ZCCHC2: variants seen among roughly 807,000 people sequenced by gnomAD.
The protein encoded by ZCCHC2 is zinc finger CCHC domain-containing protein 2.
A neutral mutation model predicts 103.6 loss-of-function variants in ZCCHC2; 39 were observed. The ratio of observed to expected loss-of-function variants is 0.38; its 90% CI spans 0.29 to 0.49. The LOEUF is 0.49. ZCCHC2 is among the 20% of genes least tolerant of loss of function. The pLI is 0.96. For missense variants in ZCCHC2, 1,483 were observed against 1,491.0 expected (o/e 0.99, Z 0.09); for synonymous variants, 687 against 608.9 (o/e 1.13, Z -1.89).
chr18:62,574,990 C>T lies in ZCCHC2; in HGVS notation c.2909C>T (p.Pro970Leu), dbSNP rs1046496869. 1.5e-5 allele frequency: 24 copies of T among 1,613,838 alleles called. No homozygotes were observed. Among genetic ancestry groups the T allele is most frequent in the Non-Finnish European group, 2.0e-5 (24 of 1,179,882 alleles). Residue 970 changes from proline to leucine, a missense_variant, in exon 13 of 14, where the codon CCG (proline) becomes CTG (leucine). By Grantham distance (98) the Pro-to-Leu change is moderately conservative. Transcript: ENST00000269499. The stretch of plus-strand genomic sequence containing the variant: ...CCTACCCACACCCCAGGCCCTGCCC[C>T]GAGCCCAAGCCCTGCCTTGACACAC... Reference protein sequence around the residue: ...AVPTHTPGPAPSPSPALTHST... With the variant: ...AVPTHTPGPALSPSPALTHST...
chr18:62,565,239 A>G, intron 11 of ZCCHC2, 143 bp downstream of exon 11: 1 of 593,670 alleles, frequency 1.7e-6, no homozygotes, highest in Non-Finnish European at 2.9e-6. Flanking sequence ...CAATTTCCAA[A>G]TTAAACAGTT....
At chr18:62,550,564 C>T (rs569936197) in intron 5 of ZCCHC2, 104 bp downstream of exon 5, 51 of 781,982 alleles carry the variant, frequency 6.5e-5, no homozygotes, top group Non-Finnish European at 8.1e-5. Flanking sequence ...CTTTCTCTGG[C>T]GTACTTCTTA....
Position 62,560,625 on chromosome 18 carries a change from G to T in ZCCHC2, c.1531G>T (p.Gly511Trp), listed in dbSNP as rs781330099. ...QHAIIHKKHT[G>W]KSPIVNNIGT... The stretch of plus-strand genomic sequence containing the variant: ...TGCCATAATCCACAAGAAGCATACT[G>T]GGAAAAGTCCCATTGTGAAGTAAGT... The change falls in exon 8 of 14, where the codon GGG becomes TGG. Residue 511 changes from glycine (G) to tryptophan (W), a missense_variant. By Grantham distance (184) the Gly-to-Trp change is radical (BLOSUM62 -2). Transcript: ENST00000269499. 5 of 1,613,232 alleles carry T rather than the reference G, an allele frequency of 3.1e-6. No homozygotes were observed. The South Asian group carries it at 5.5e-5, about 18-fold the overall frequency.
chr18:62,553,347 A>G (rs1915749122), intron 5 of ZCCHC2, among the ~76,000 whole-genome samples: 1 of 152,204 alleles, frequency 6.6e-6, no homozygotes, highest in East Asian at 1.9e-4. Flanking sequence ...ATACCTTTTT[A>G]GCTGAACCAT....
At chr18:62,534,616 G>A (rs1479879450) in intron 1 of ZCCHC2, among the ~76,000 whole-genome samples, 1 of 152,192 alleles carries the variant, frequency 6.6e-6, no homozygotes, top group Non-Finnish European at 1.5e-5. Flanking sequence ...AAATGTTGGG[G>A]AATTTTTATG....
chr18:62,545,449 C>T (rs551161437), intron 4 of ZCCHC2, among the ~76,000 whole-genome samples: 3 of 151,962 alleles, frequency 2.0e-5, no homozygotes, highest in South Asian at 4.2e-4. Context: ...CACCTCACCC[C>T]CCATATGATA....
In ZCCHC2 at chr18:62,524,089, G is replaced by T; in HGVS notation, c.665G>T (p.Gly222Val). Reference protein sequence around the residue: ...GSRGGAEDERGEDGDGEQDAE... With the variant: ...GSRGGAEDERVEDGDGEQDAE... ...CGGGGCGGCGCGGAGGACGAGCGCG[G>T]CGAGGACGGCGACGGCGAGCAGGAC... Residue 222 changes from glycine to valine, a missense_variant, in exon 1 of 14, where the codon GGC (glycine) becomes GTC (valine). By Grantham distance (109) the Gly-to-Val change is moderately radical. Around this residue, in one of 3 missense-constraint regions of ZCCHC2, gnomAD observed 568 missense variants for 525.1 expected, o/e 1.08. Coordinates refer to ENST00000269499, the MANE Select transcript of ZCCHC2 (RefSeq NM_017742.6). 1 of 1,515,476 alleles carries T rather than the reference G, an allele frequency of 6.6e-7. No homozygotes were observed. The highest frequency in any genetic ancestry group is 1.2e-5 in the South Asian group (1 of 81,520). 93.9% of individuals were successfully genotyped at this position (1,515,476 alleles called of 1,614,324 possible). A position where few individuals can be genotyped will look rare whatever the true frequency, so the allele number is the denominator to read the frequency against.
chr18:62,536,514 TTA>T (rs1256355088), intron 1 of ZCCHC2, among the ~76,000 whole-genome samples: 4 of 152,280 alleles, frequency 2.6e-5, no homozygotes, highest in African/African-American at 9.6e-5. Context: ...CCATTCCTCT[TTA>T]TATGATTCCA....
chr18:62,539,048 G>A (rs111797218), intron 1 of ZCCHC2, among the ~76,000 whole-genome samples: 3 of 152,090 alleles, frequency 2.0e-5, no homozygotes, highest in Admixed American at 6.5e-5. Context: ...GATTTCTGGC[G>A]AGCTGTTTGT....
intron 1 of ZCCHC2, among the ~76,000 whole-genome samples, chr18:62,527,794 G>A (rs1002432815): frequency 2.3e-4 from 35 of 152,052 alleles, no homozygotes; most frequent in African/African-American, 8.0e-4. Context: ...TTTTAAAATG[G>A]GTGTCTTCCT....
chr18:62,565,055 G>C lies in ZCCHC2; in HGVS notation c.1805G>C (p.Arg602Thr). Residue 602 changes from arginine to threonine, a missense_variant, in exon 11 of 14, where the codon AGA becomes ACA. This residue lies in a region of ZCCHC2 where 884 missense variants were observed against 907.5 expected (regional missense o/e 0.97). Transcript: ENST00000269499. ...TTGAATAGTAGAATAAATGGTATTA[G>C]ACTCTCCACTCCTCAGCATGCCCAT... ...NRLNSRINGI[R>T]LSTPQHAHGG... 6.2e-7 allele frequency: 1 copy of C among 1,613,698 alleles called. No homozygotes were observed. Among genetic ancestry groups the C allele is most frequent in the Non-Finnish European group, 8.5e-7 (1 of 1,179,694 alleles).
chr18:62,535,180 C>T (rs1914867699), intron 1 of ZCCHC2, among the ~76,000 whole-genome samples: 1 of 152,232 alleles, frequency 6.6e-6, no homozygotes, highest in South Asian at 2.1e-4. Flanking sequence ...GTGCGCTTCT[C>T]TAGATCCTTG....
At chr18:62,549,976 A>G (rs1437705170) in intron 4 of ZCCHC2, among the ~76,000 whole-genome samples, 5 of 152,252 alleles carry the variant, frequency 3.3e-5, no homozygotes, top group African/African-American at 4.8e-5. Flanking sequence ...TAAAAATAGT[A>G]CTAGCTATGC....
chr18:62,554,943 AT>A (rs1915820372), intron 5 of ZCCHC2, among the ~76,000 whole-genome samples: 1 of 152,360 alleles, frequency 6.6e-6, no homozygotes, highest in Admixed American at 6.5e-5. Flanking sequence ...TGGTATATTA[AT>A]GATTTTATAA....
chr18:62,560,639 T>C lies in ZCCHC2; in HGVS notation c.1545T>C (p.Ile515=). 1.2e-6 allele frequency: 2 copies of C among 1,612,832 alleles called. No individual in the cohort carries two copies. The highest frequency in any genetic ancestry group is 2.2e-5 in the South Asian group (2 of 91,002). ...IHKKHTGKSP[I]VNNIGTSCSP... Reference sequence around the variant, plus strand: ...AGAAGCATACTGGGAAAAGTCCCATTGTGAAGTAAGTATCCTCTTTCTAAA... The same window carrying C: ...AGAAGCATACTGGGAAAAGTCCCATCGTGAAGTAAGTATCCTCTTTCTAAA... Residue 515 remains isoleucine (I), a synonymous_variant, in exon 8 of 14, where the codon ATT becomes ATC. Transcript: ENST00000269499.
chr18:62,571,096 C>G (rs1374828585), intron 12 of ZCCHC2, among the ~76,000 whole-genome samples: 1 of 152,202 alleles, frequency 6.6e-6, no homozygotes, highest in Non-Finnish European at 1.5e-5. Context: ...TCTTGTCAGC[C>G]CCAGCTAGTA....
chr18:62,537,843 G>C (rs1444411961), intron 1 of ZCCHC2, among the ~76,000 whole-genome samples: 2 of 152,110 alleles, frequency 1.3e-5, no homozygotes, highest in African/African-American at 4.8e-5. Flanking sequence ...ATATTTTGAG[G>C]AACTGCCTGA....
At chr18:62,539,091 C>T (rs182547626) in intron 1 of ZCCHC2, among the ~76,000 whole-genome samples, 2 of 152,158 alleles carry the variant, frequency 1.3e-5, no homozygotes, top group African/African-American at 2.4e-5. Flanking sequence ...CTCCAAGCAT[C>T]GGATCTAGGA....
intron 1 of ZCCHC2, among the ~76,000 whole-genome samples, chr18:62,531,700 A>T (rs79780421): frequency 6.6e-6 from 1 of 151,846 alleles, no homozygotes; most frequent in Admixed American, 6.6e-5. Flanking sequence ...TAATCTCAAC[A>T]GTTTGGGAGG....
Sources: gnomAD v4.1 joint callset for allele counts (sites outside exome capture counted in the v4.1 genomes callset) on GRCh38, gnomAD v4.1.1 for gene constraint, gnomAD v4.1.1 regional missense constraint, MANE v1.5 for transcripts, NCBI Gene and HGNC (gene_info 2026-07-23, HGNC 2026-07-21) for gene names.